Variants in PEAK1 observed in about 807,000 individuals in gnomAD.
The protein encoded by PEAK1 is pseudopodium enriched atypical kinase 1.
PEAK1 carries 54 observed loss-of-function variants against 124.7 expected under a neutral mutation model. The observed-to-expected ratio is 0.43, with a 90% CI of 0.35 to 0.54. PEAK1 has a LOEUF of 0.54. PEAK1 is among the 20% of genes least tolerant of loss of function. PEAK1 has a pLI of 0.01. For synonymous variants in PEAK1, 719 were observed against 760.0 expected, an observed-to-expected ratio of 0.95 and a Z score of 0.89; for missense variants, 2,046 against 2,134.5, an observed-to-expected ratio of 0.96 and a Z score of 0.82.
intron 2 of PEAK1, chr15:77,352,438 G>A (rs1485927260): frequency 5.1e-6 from 5 of 985,190 alleles, no homozygotes; most frequent in Non-Finnish European, 6.0e-6. Flanking sequence ...GCACCACTAG[G>A]CCTGAAGGGG....
chr15:77,144,953 C>T (rs2054066103), intron 8 of PEAK1, among the ~76,000 whole-genome samples: 1 of 152,202 alleles, frequency 6.6e-6, no homozygotes, highest in Non-Finnish European at 1.5e-5. Flanking sequence ...TTTCAGCAGG[C>T]CTAATATAAC....
chr15:77,246,152 G>T (rs2060575599), intron 6 of PEAK1, among the ~76,000 whole-genome samples: 1 of 151,944 alleles, frequency 6.6e-6, no homozygotes, highest in Admixed American at 6.6e-5. Context: ...GGGACTACAG[G>T]CGCGTGCCAC....
Position 77,179,368 on chromosome 15 carries a change from G to A in PEAK1, c.2559C>T (p.Pro853=), listed in dbSNP as rs754466715. The change falls in exon 7 of 10, where the codon CCC becomes CCT. Residue 853 remains proline, a synonymous_variant. Transcript: ENST00000682557. ...QKDPSIKPVT[P]SPSKLVTSPQ... The stretch of plus-strand genomic sequence containing the variant: ...GGCTAGTCACTAATTTGGAGGGAGA[G>A]GGGGTGACTGGCTTTATGGATGGGT... 6.2e-7 allele frequency: 1 copy of A among 1,614,084 alleles called. No individual in the cohort carries two copies. Among genetic ancestry groups the A allele is most frequent in the Non-Finnish European group, 8.5e-7 (1 of 1,180,012 alleles).
At chr15:77,169,310 G>A (rs927558653) in intron 7 of PEAK1, among the ~76,000 whole-genome samples, 4 of 152,214 alleles carry the variant, frequency 2.6e-5, no homozygotes, top group Admixed American at 6.5e-5. Flanking sequence ...GTGAGACTGA[G>A]TGTCTAAACT....
chr15:77,389,167 T>G (rs2070235716), intron 1 of PEAK1, among the ~76,000 whole-genome samples: 1 of 152,120 alleles, frequency 6.6e-6, no homozygotes, highest in Non-Finnish European at 1.5e-5. Context: ...TTGCCTAGGC[T>G]GATCTCGAAC....
intron 8 of PEAK1, among the ~76,000 whole-genome samples, chr15:77,153,660 G>T (rs1472604051): frequency 6.6e-6 from 1 of 152,252 alleles, no homozygotes. Context: ...CTTTGAATGT[G>T]TCCCAGAGAT....
chr15:77,331,152 C>T (rs922082090), intron 2 of PEAK1: 38 of 473,878 alleles, frequency 8.0e-5, no homozygotes, highest in Middle Eastern at 1.1e-3. Flanking sequence ...TATTTTGAGA[C>T]GAAGTCTTGC....
In PEAK1 at chr15:77,181,567, A is replaced by C; in HGVS notation, c.360T>G (p.Asn120Lys). 1 of 1,613,888 alleles carries C rather than the reference A, an allele frequency of 6.2e-7. No individual in the cohort carries two copies. The highest frequency in any genetic ancestry group is 1.3e-5 in the African/African-American group (1 of 74,934). The stretch of plus-strand genomic sequence containing the variant: ...CATGGCTAATTCCTTCATCATCTTC[A>C]TTATTATTGTTAAGTGGTTTCTGAC... ...ALSQKPLNNNNEDDEGISHVP... is the reference protein window; with the variant it reads ...ALSQKPLNNNKEDDEGISHVP... The change falls in exon 7 of 10, where the codon AAT (asparagine) becomes AAG (lysine). Residue 120 changes from asparagine to lysine, a missense_variant. Asn to Lys is a moderately conservative substitution (Grantham distance 94, BLOSUM62 0). Transcript: ENST00000682557.
intron 6 of PEAK1, among the ~76,000 whole-genome samples, chr15:77,228,872 C>T (rs1208617914): frequency 6.6e-6 from 1 of 152,120 alleles, no homozygotes. Flanking sequence ...ATGGGATAAG[C>T]TAGCCCTGGT....
chr15:77,404,396 T>C (rs2071627531), intron 1 of PEAK1: 3 of 895,008 alleles, frequency 3.4e-6, no homozygotes, highest in African/African-American at 1.8e-5. Context: ...AAGTGAAATG[T>C]GCTTTAAGTG....
chr15:77,182,780 G>C (rs1251777252), intron 6 of PEAK1, among the ~76,000 whole-genome samples: 1 of 135,798 alleles, frequency 7.4e-6, no homozygotes, highest in Non-Finnish European at 1.6e-5. Flanking sequence ...GGCTGAAAAG[G>C]AGACCAGGGG....
At chr15:77,314,517 A>G (rs1405905352) in intron 2 of PEAK1, among the ~76,000 whole-genome samples, 2 of 151,928 alleles carry the variant, frequency 1.3e-5, no homozygotes, top group African/African-American at 4.8e-5. Flanking sequence ...TTACAGGCAC[A>G]TACCACCACG....
chr15:77,149,691 C>T (rs2152767090), intron 8 of PEAK1, among the ~76,000 whole-genome samples: 1 of 152,078 alleles, frequency 6.6e-6, no homozygotes, highest in East Asian at 1.9e-4. Flanking sequence ...TTATACCCTA[C>T]AGAGTCAAGT....
chr15:77,320,456 G>GA (rs899077465), intron 2 of PEAK1, among the ~76,000 whole-genome samples: 4 of 152,070 alleles, frequency 2.6e-5, no homozygotes, highest in East Asian at 1.9e-4. Flanking sequence ...TCTCTAAGGA[G>GA]AAAAAATTCC....
chr15:77,246,137 T>C (rs1032046276), intron 6 of PEAK1, among the ~76,000 whole-genome samples: 2 of 151,586 alleles, frequency 1.3e-5, no homozygotes, highest in African/African-American at 4.9e-5. Flanking sequence ...GCCTCTCGAG[T>C]AGCTGGGACT....
chr15:77,238,657 G>A (rs2060227128), intron 6 of PEAK1, among the ~76,000 whole-genome samples: 1 of 152,188 alleles, frequency 6.6e-6, no homozygotes, highest in African/African-American at 2.4e-5. Context: ...TGTGATTACA[G>A]TAGCATGAGT....
In PEAK1 at chr15:77,132,926, A is replaced by C. The variant is rs999879249; in HGVS notation, c.4077+79T>G. The C allele has an allele frequency of 1.3e-4, 181 of 1,394,036 alleles. No homozygotes were observed. In the East Asian group the frequency reaches 3.3e-3, roughly 25 times the overall value. The allele number at this position is 1,394,036 out of a possible 1,614,324, so 86.4% of individuals were successfully genotyped here. A position where few individuals can be genotyped will look rare whatever the true frequency, so the allele number is the denominator to read the frequency against. ...CTGAATGGAAGAATGAAGGAAAGAA[A>C]GGAGAAAAGCAGAATGAATCCATCC... On this transcript the variant is annotated intron_variant, in intron 9 of 9. Transcript: ENST00000682557.
At chr15:77,156,515 C>G (rs540306279) in intron 8 of PEAK1, 4 of 153,862 alleles carry the variant, frequency 2.6e-5, no homozygotes, top group African/African-American at 9.6e-5. Context: ...TGTCCTGCAC[C>G]CACTGTCTGG....
chr15:77,346,369 T>G, intron 2 of PEAK1: 3 of 984,504 alleles, frequency 3.0e-6, no homozygotes, highest in Non-Finnish European at 3.6e-6. Flanking sequence ...TCCTGTTCTA[T>G]AATCCCAGAC....
Sources: allele counts gnomAD v4.1 joint callset (sites outside exome capture counted in the v4.1 genomes callset), GRCh38; gene constraint gnomAD v4.1.1; transcripts MANE v1.5; gene names NCBI Gene and HGNC (gene_info 2026-07-23, HGNC 2026-07-21).